Variants in CFAP47 observed in about 807,000 individuals in gnomAD.
The protein encoded by CFAP47 is cilia and flagella associated protein 47.
In CFAP47, 29 loss-of-function variants were observed where a neutral mutation model predicts 148.1. The observed-to-expected ratio is 0.20, with a 90% CI of 0.15 to 0.27. The LOEUF (loss-of-function observed/expected upper bound fraction) is 0.27, where lower values mean the gene tolerates loss of function less well. Among genes scored for constraint, CFAP47 ranks in the 10% least tolerant of loss-of-function variants. The pLI, the probability that CFAP47 is intolerant of heterozygous loss-of-function variation, is 1.00. For synonymous variants in CFAP47, 664 were observed against 577.3 expected (o/e 1.15, Z -2.15); for missense variants, 1,872 against 1,697.5 (o/e 1.10, Z -1.81).
intron 55 of CFAP47, 81 bp downstream of exon 55, chrX:36,306,957 TCAATTATCATATTTTG>T (rs1556008970): frequency 2.4e-6 from 1 of 412,433 alleles, no homozygotes. Context: ...CATCATTCAC[TCAATTATCATATTTTG>T]CAAGTAAAAC....
At chrX:36,011,741 T>C (rs1937040479) in intron 21 of CFAP47, among the ~76,000 whole-genome samples, 1 of 111,812 alleles carries the variant, frequency 8.9e-6, no homozygotes, top group Non-Finnish European at 1.9e-5. Flanking sequence ...CCTTGTAGAT[T>C]GTGGGTATTA....
intron 63 of CFAP47, 112 bp from the exon 64 acceptor site, chrX:36,384,685 T>C (rs1942110783): frequency 5.9e-6 from 3 of 510,709 alleles, no homozygotes; most frequent in Admixed American, 7.6e-5. Flanking sequence ...GTTTTGTACC[T>C]TTTCCATACT....
intron 29 of CFAP47, among the ~76,000 whole-genome samples, chrX:36,082,532 A>G (rs1938003029): frequency 8.9e-6 from 1 of 111,935 alleles, no homozygotes; most frequent in African/African-American, 3.2e-5. Flanking sequence ...AACTAATCAT[A>G]GAGTCATTTG....
chrX:36,135,100 C>T (rs1427811346), intron 33 of CFAP47, among the ~76,000 whole-genome samples: 4 of 110,248 alleles, frequency 3.6e-5, no homozygotes, highest in Non-Finnish European at 5.7e-5. Flanking sequence ...GATGCCAAGG[C>T]GTAAGAATGA....
At chrX:36,133,371 G>A (rs1324406764) in intron 33 of CFAP47, among the ~76,000 whole-genome samples, 1 of 111,085 alleles carries the variant, frequency 9.0e-6, no homozygotes, top group African/African-American at 3.3e-5. Flanking sequence ...AACAATAGAA[G>A]TTTATTTGGG....
At chrX:36,158,888 C>G (rs1375486746) in intron 37 of CFAP47, among the ~76,000 whole-genome samples, 1 of 111,240 alleles carries the variant, frequency 9.0e-6, no homozygotes, top group African/African-American at 3.3e-5. Context: ...AAATCCATAG[C>G]CTCTTCACCA....
chrX:36,236,316 A>C (rs782235840), intron 47 of CFAP47, among the ~76,000 whole-genome samples: 18 of 112,335 alleles, frequency 1.6e-4, no homozygotes, highest in African/African-American at 5.5e-4. Context: ...AATTTTGTAC[A>C]ACATGCTGAA....
chrX:36,268,635 CTCTT>C (rs1239545576), intron 49 of CFAP47, among the ~76,000 whole-genome samples: 17 of 112,150 alleles, frequency 1.5e-4, no homozygotes, highest in African/African-American at 5.2e-4. Context: ...TTAAACTTCT[CTCTT>C]TCTTTGTGTG....
intron 29 of CFAP47, among the ~76,000 whole-genome samples, chrX:36,078,988 A>C (rs937911333): frequency 9.0e-6 from 1 of 111,617 alleles, no homozygotes; most frequent in Admixed American, 9.5e-5. Context: ...TTTCTTTAAG[A>C]ATATTGAATA....
At chrX:35,998,467 G>A (rs1936874348) in intron 19 of CFAP47, among the ~76,000 whole-genome samples, 1 of 111,337 alleles carries the variant, frequency 9.0e-6, no homozygotes, top group African/African-American at 3.3e-5. Context: ...CATCAGAGCA[G>A]TTGTCATATT....
At chrX:36,345,483 G>A (rs1342231201) in intron 57 of CFAP47, among the ~76,000 whole-genome samples, 1 of 111,277 alleles carries the variant, frequency 9.0e-6, no homozygotes, top group Non-Finnish European at 1.9e-5. Flanking sequence ...TCTAACAGGA[G>A]GCAGAGCTCA....
chrX:35,979,025 T>G (rs951215790), intron 15 of CFAP47, among the ~76,000 whole-genome samples: 2 of 111,733 alleles, frequency 1.8e-5, no homozygotes, highest in Non-Finnish European at 3.8e-5. Context: ...TTGCCCAGGC[T>G]GGAGTGCAAT....
intron 33 of CFAP47, among the ~76,000 whole-genome samples, chrX:36,116,783 TG>T (rs1348585977): frequency 6.3e-5 from 7 of 111,952 alleles, no homozygotes; most frequent in Admixed American, 1.9e-4. Flanking sequence ...TATTTCTAAA[TG>T]TACAACTAAA....
chrX:36,043,020 T>C (rs943995066), intron 25 of CFAP47, among the ~76,000 whole-genome samples: 1 of 111,723 alleles, frequency 9.0e-6, no homozygotes, highest in Non-Finnish European at 1.9e-5. Context: ...ATGATGAAGA[T>C]GTTATTGAAG....
At chrX:36,213,548 A>G (rs1940126399) in intron 45 of CFAP47, among the ~76,000 whole-genome samples, 1 of 112,137 alleles carries the variant, frequency 8.9e-6, no homozygotes, top group Admixed American at 9.5e-5. Context: ...CACCACTTGC[A>G]CAGCATAATG....
At chrX:35,927,008 A>C (rs1432580848) in intron 2 of CFAP47, among the ~76,000 whole-genome samples, 1 of 108,945 alleles carries the variant, frequency 9.2e-6, no homozygotes, top group East Asian at 2.9e-4. Context: ...AGAAAAAAAA[A>C]CCTGGGAGTG....
chrX:36,211,814 G>GA (rs782717504), intron 45 of CFAP47, among the ~76,000 whole-genome samples: 8 of 110,555 alleles, frequency 7.2e-5, no homozygotes, highest in Non-Finnish European at 7.6e-5. Flanking sequence ...TTCTTTTAAA[G>GA]AAAAAAAATT....
chrX:35,966,791 T>A, intron 9 of CFAP47, 37 bp downstream of exon 9: 1 of 928,994 alleles, frequency 1.1e-6, no homozygotes, highest in Non-Finnish European at 1.4e-6. Flanking sequence ...GCTTTGTTGT[T>A]ACTGTTGTTA....
chrX:35,953,761 T>A, intron 7 of CFAP47, 42 bp downstream of exon 7: 1 of 1,038,049 alleles, frequency 9.6e-7, no homozygotes, highest in Non-Finnish European at 1.3e-6. Flanking sequence ...CGTAGCCATT[T>A]AAATTGTTTA....
Sources: gnomAD v4.1 joint callset for allele counts (sites outside exome capture counted in the v4.1 genomes callset) on GRCh38, gnomAD v4.1.1 for gene constraint, MANE v1.5 for transcripts, NCBI Gene and HGNC (gene_info 2026-07-23, HGNC 2026-07-21) for gene names.